Variants in DMTN observed in about 807,000 individuals in gnomAD.
DMTN encodes dematin.
Under a neutral mutation model 59.4 loss-of-function variants are expected in DMTN, and 27 were observed. The ratio of observed to expected loss-of-function variants is 0.45; its 90% CI spans 0.33 to 0.63. The LOEUF (loss-of-function observed/expected upper bound fraction) is 0.63, where lower values mean the gene tolerates loss of function less well. Among genes scored for constraint, DMTN ranks in the 20% least tolerant of loss-of-function variants. The probability of loss-of-function intolerance (pLI) is 0.02; values close to 1 mark genes in which losing one functional copy is unlikely to be tolerated. For synonymous variants in DMTN, 221 were observed against 203.7 expected (o/e 1.08, Z -0.72); for missense variants, 451 against 528.9 (o/e 0.85, Z 1.45).
intron 15 of DMTN, 46 bp downstream of exon 15, chr8:22,081,239 C>G: frequency 6.2e-7 from 1 of 1,609,234 alleles, no homozygotes; most frequent in Non-Finnish European, 8.5e-7. Flanking sequence ...TGTCCACGGG[C>G]ACTCTCCTGC....
At chr8:22,077,355 C>G (rs1820634612) in intron 10 of DMTN, among the ~76,000 whole-genome samples, 2 of 152,064 alleles carry the variant, frequency 1.3e-5, no homozygotes, top group Admixed American at 6.6e-5. Flanking sequence ...ATGACAAGAT[C>G]CTGGGCATGG....
chr8:22,079,777 T>G (rs1822913043), intron 10 of DMTN, among the ~76,000 whole-genome samples: 1 of 152,142 alleles, frequency 6.6e-6, no homozygotes, highest in Non-Finnish European at 1.5e-5. Context: ...AAATTTTTTT[T>G]TTTTAGATTT....
At chr8:22,054,716 T>C (rs1563377282), upstream of DMTN, 1 of 152,694 alleles carries the variant, frequency 6.5e-6, no homozygotes, top group Non-Finnish European at 1.5e-5. Flanking sequence ...AGTGGGGGGA[T>C]GGGGTACTTG....
chr8:22,080,740 G>C lies in DMTN; in HGVS notation c.958-65G>C. The stretch of plus-strand genomic sequence containing the variant: ...AGAGTTGCCTGGTGAAGAAGAAGAA[G>C]CCGGGGTAAGGCTGGGAAGGTCTCC... On this transcript the variant is annotated intron_variant, in intron 13 of 15. Transcript: ENST00000358242. 1.9e-6 allele frequency: 3 copies of C among 1,588,156 alleles called. No homozygotes were observed. The East Asian group carries it at 6.8e-5, about 36-fold the overall frequency.
At chr8:22,077,682 G>A (rs541741105) in intron 10 of DMTN, among the ~76,000 whole-genome samples, 2 of 152,260 alleles carry the variant, frequency 1.3e-5, no homozygotes, top group South Asian at 4.2e-4. Context: ...GCCTACCTCT[G>A]GATCATCTTT....
Position 22,081,619 on chromosome 8 carries a change from G to A in DMTN, c.*156G>A. The A allele has an allele frequency of 1.5e-6, 1 of 648,356 alleles. No individual in the cohort carries two copies. Among genetic ancestry groups the A allele is most frequent in the Non-Finnish European group, 2.7e-6 (1 of 367,594 alleles). 40.2% of individuals were successfully genotyped at this position (648,356 alleles called of 1,614,324 possible). A position where few individuals can be genotyped will look rare whatever the true frequency, so the allele number is the denominator to read the frequency against. Reference sequence around the variant, plus strand: ...AAACCTCTGCAGTCCCCGGCAGTGAGCTATGGACTTTCTTCCCCCTCACAA... The same window carrying A: ...AAACCTCTGCAGTCCCCGGCAGTGAACTATGGACTTTCTTCCCCCTCACAA... On this transcript the variant is annotated 3_prime_UTR_variant, in exon 16 of 16. Coordinates refer to ENST00000358242, the MANE Select transcript of DMTN (RefSeq NM_001387751.1).
intron 1 of DMTN, among the ~76,000 whole-genome samples, chr8:22,064,464 G>T: frequency 6.8e-6 from 1 of 147,136 alleles, no homozygotes; most frequent in Non-Finnish European, 1.5e-5. Flanking sequence ...ATGGCCAGAG[G>T]TTTTTTTTTT....
At position 22,072,215 on chromosome 8, in the gene DMTN, A is replaced by C. The variant is rs1012491941; in HGVS notation, c.605-111A>C. 4 of 1,351,446 alleles carry C rather than the reference A, an allele frequency of 3.0e-6. No individual in the cohort carries two copies. In the Admixed American group the frequency reaches 1.2e-4, roughly 40 times the overall value. 83.7% of individuals were successfully genotyped at this position (1,351,446 alleles called of 1,614,324 possible). A position where few individuals can be genotyped will look rare whatever the true frequency, so the allele number is the denominator to read the frequency against. ...ACTTTATTTTTTAAAAAAATTTTGT[A>C]GTGGCCTTATCAAGGTCCAGCCCAG... On this transcript the variant is annotated intron_variant, in intron 8 of 15. Transcript: ENST00000358242.
At chr8:22,067,025 C>CCCCGCCCCGCT in intron 2 of DMTN, 60 bp from the exon 3 acceptor site, 1 of 1,489,772 alleles carries the variant, frequency 6.7e-7, no homozygotes, top group Non-Finnish European at 9.0e-7. Context: ...CTAGGGCCGC[C>CCCCGCCCCGCT]CCCGCCCCGC....
chr8:22,069,333 A>G, intron 5 of DMTN, 86 bp from the exon 6 acceptor site: 1 of 1,192,300 alleles, frequency 8.4e-7, no homozygotes, highest in Non-Finnish European at 1.2e-6. Flanking sequence ...GGATGGGAGG[A>G]CAGAGAGGGT....
At chr8:22,065,825 A>C (rs2130833588) in intron 1 of DMTN, among the ~76,000 whole-genome samples, 4 of 102,464 alleles carry the variant, frequency 3.9e-5, no homozygotes, top group African/African-American at 3.5e-5. Context: ...ACAGAGCAAG[A>C]CCTTTTTTTT....
chr8:22,064,510 G>A (rs533504458), intron 1 of DMTN, among the ~76,000 whole-genome samples: 2 of 152,082 alleles, frequency 1.3e-5, no homozygotes, highest in African/African-American at 4.8e-5. Flanking sequence ...CCAGGCTGGA[G>A]TGCAGTGGGA....
chr8:22,069,818 C>A, intron 6 of DMTN, 63 bp from the exon 7 acceptor site: 1 of 1,573,288 alleles, frequency 6.4e-7, no homozygotes, highest in South Asian at 1.1e-5. Context: ...CATCTCCATT[C>A]TCCTGGCCCC....
rs6557782 is a variant in DMTN at position 22,081,924 on chromosome 8, C to T, written c.*461C>T. Reference sequence around the variant, plus strand: ...CCTGACAGCTTTCCTGCACTGCAGCCTCCTGCTCCTCTGACTCTAGTGGGA... The same window carrying T: ...CCTGACAGCTTTCCTGCACTGCAGCTTCCTGCTCCTCTGACTCTAGTGGGA... On this transcript the variant is annotated 3_prime_UTR_variant, in exon 16 of 16. Transcript: ENST00000358242. 355,917 of 456,198 alleles carry T rather than the reference C, an allele frequency of 0.78. 142,462 individuals are homozygous for T. Among genetic ancestry groups the T allele is most frequent in the East Asian group, 0.98 (13,916 of 14,260 alleles). The allele number at this position is 456,198 out of a possible 1,614,324, so 28.3% of individuals were successfully genotyped here. A position where few individuals can be genotyped will look rare whatever the true frequency, so the allele number is the denominator to read the frequency against.
intron 9 of DMTN, 131 bp from the exon 10 acceptor site, chr8:22,073,599 C>T: frequency 1.4e-6 from 1 of 694,934 alleles, no homozygotes; most frequent in South Asian, 1.9e-5. Flanking sequence ...CCACTGAACT[C>T]CAGCCTGGGT....
chr8:22,076,502 G>A (rs891645030), intron 10 of DMTN, among the ~76,000 whole-genome samples: 15 of 151,928 alleles, frequency 9.9e-5, no homozygotes, highest in African/African-American at 3.6e-4. Flanking sequence ...CTAGTTGGGT[G>A]GCTAAGATGG....
rs1563499298 is a variant in DMTN at position 22,073,653 on chromosome 8, GAAAGAAA to G, written c.730-73_730-67del. ...CTCAAAAAAAAAAAAAAAAAAAAAA[GAAAGAAA>G]AAAAAAAAGAGAAAAAAGAAACATT... On this transcript the variant is annotated intron_variant, in intron 9 of 15. Transcript: ENST00000358242. 8.6e-5 allele frequency: 62 copies of G among 718,500 alleles called. 1 individual carries two copies. Among genetic ancestry groups the G allele is most frequent in the African/African-American group, 1.2e-4 (2 of 16,710 alleles). The allele number at this position is 718,500 out of a possible 1,614,324, so 44.5% of individuals were successfully genotyped here. A position where few individuals can be genotyped will look rare whatever the true frequency, so the allele number is the denominator to read the frequency against.
At chr8:22,073,980 A>G in intron 10 of DMTN, 145 bp downstream of exon 10, 1 of 629,468 alleles carries the variant, frequency 1.6e-6, no homozygotes, top group South Asian at 1.9e-5. Flanking sequence ...CCAGTCATGG[A>G]ACAATGTCAG....
chr8:22,066,737 G>A lies in DMTN; in HGVS notation c.-139G>A. ...AGTCACCGCCGAGGGATGAGGACGCGCCAGCCCGGGGGAACGCGCCAGCTG... is the reference window on the plus strand; with the variant it reads ...AGTCACCGCCGAGGGATGAGGACGCACCAGCCCGGGGGAACGCGCCAGCTG... On this transcript the variant is annotated 5_prime_UTR_variant, in exon 2 of 16. Transcript: ENST00000358242. The A allele has an allele frequency of 2.1e-6, 2 of 973,062 alleles. No individual in the cohort carries two copies. Among genetic ancestry groups the A allele is most frequent in the South Asian group, 2.3e-5 (1 of 42,730 alleles). The allele number at this position is 973,062 out of a possible 1,614,324, so 60.3% of individuals were successfully genotyped here. A position where few individuals can be genotyped will look rare whatever the true frequency, so the allele number is the denominator to read the frequency against.
Sources: gnomAD v4.1 joint callset for allele counts (sites outside exome capture counted in the v4.1 genomes callset) on GRCh38, gnomAD v4.1.1 for gene constraint, MANE v1.5 for transcripts, NCBI Gene and HGNC (gene_info 2026-07-23, HGNC 2026-07-21) for gene names.